GABRP: variants seen among roughly 807,000 people sequenced by gnomAD.
GABRP encodes gamma-aminobutyric acid receptor subunit pi.
A neutral mutation model predicts 47.8 loss-of-function variants in GABRP; 52 were observed. The ratio of observed to expected loss-of-function variants is 1.09; its 90% CI spans 0.87 to 1.37. The LOEUF (loss-of-function observed/expected upper bound fraction) is 1.37. GABRP is among the 40% of genes most tolerant of loss of function. The pLI, the probability that GABRP is intolerant of heterozygous loss-of-function variation, is 0.00. For synonymous variants in GABRP, 221 were observed against 205.8 expected, an observed-to-expected ratio of 1.07 and a Z score of -0.63; for missense variants, 525 against 542.8, an observed-to-expected ratio of 0.97 and a Z score of 0.33.
chr5:170,786,931 G>A (rs1581586155), intron 1 of GABRP, among the ~76,000 whole-genome samples: 1 of 152,126 alleles, frequency 6.6e-6, no homozygotes, highest in African/African-American at 2.4e-5. Flanking sequence ...ACTGTTATCG[G>A]TAGTTATTTC....
Position 170,789,642 on chromosome 5 carries a change from G to T in GABRP, c.172+395G>T, listed in dbSNP as rs1765216145. On this transcript the variant is annotated intron_variant, in intron 3 of 9. Coordinates refer to ENST00000265294, the MANE Select transcript of GABRP (RefSeq NM_014211.3). Reference sequence around the variant, plus strand: ...CCAAACTGCCATCTGGATGCCTCCTGGGTCATTGCCCTGTTGGAACACCTG... The same window carrying T: ...CCAAACTGCCATCTGGATGCCTCCTTGGTCATTGCCCTGTTGGAACACCTG... Among the ~76,000 whole-genome samples the T allele has an allele frequency of 2.0e-5, 3 of 152,222 alleles. No individual in the cohort carries two copies. The South Asian group carries it at 6.2e-4, about 32-fold the overall frequency.
intron 9 of GABRP, among the ~76,000 whole-genome samples, chr5:170,810,650 G>C (rs907980971): frequency 1.3e-5 from 2 of 152,184 alleles, no homozygotes; most frequent in Non-Finnish European, 2.9e-5. Flanking sequence ...ATGCTAAGAA[G>C]CAAGAAAATG....
rs2127266066 is a variant in GABRP, at chr5:170,808,679, C to T, written c.759C>T (p.Ser253=). The T allele has an allele frequency of 6.2e-7, 1 of 1,614,042 alleles. No individual in the cohort carries two copies. Among genetic ancestry groups the T allele is most frequent in the East Asian group, 2.2e-5 (1 of 44,880 alleles). Residue 253 remains serine, a synonymous_variant, in exon 8 of 10, where the codon TCC becomes TCT. Coordinates refer to ENST00000265294, the MANE Select transcript of GABRP (RefSeq NM_014211.3). The stretch of plus-strand genomic sequence containing the variant: ...TCATTTTGGAAACCTACGTTCCTTC[C>T]ACTTTCCTGGTGGTGTTGTCCTGGG... ...LYFILETYVP[S]TFLVVLSWVS... is the part of the protein sequence containing the mutation.
intron 1 of GABRP, among the ~76,000 whole-genome samples, chr5:170,786,443 T>C (rs1004951806): frequency 6.6e-6 from 1 of 152,226 alleles, no homozygotes; most frequent in Admixed American, 6.5e-5. Context: ...AATAACAGCA[T>C]TCACAGTAGA....
intron 3 of GABRP, among the ~76,000 whole-genome samples, chr5:170,791,726 G>A (rs1456912684): frequency 1.3e-5 from 2 of 152,158 alleles, no homozygotes; most frequent in African/African-American, 4.8e-5. Flanking sequence ...CAACTAACAC[G>A]GATCTATGGC....
At chr5:170,797,117 G>A (rs974514504) in intron 5 of GABRP, among the ~76,000 whole-genome samples, 1 of 152,218 alleles carries the variant, frequency 6.6e-6, no homozygotes, top group Admixed American at 6.5e-5. Flanking sequence ...GATAGTGATG[G>A]TGAACACTGT....
At position 170,795,201 on chromosome 5, in the gene GABRP, C is replaced by A. The variant is rs776531075; in HGVS notation, c.241-7C>A. ...ATCCATTTCCATACCCTGCCTCCCC[C>A]TCCCAGGACTACACAGCCACCATAT... is the stretch of plus-strand genomic sequence containing the variant. On this transcript the variant is annotated splice_polypyrimidine_tract_variant and splice_region_variant and intron_variant, in intron 4 of 9. Coordinates refer to ENST00000265294, the MANE Select transcript of GABRP (RefSeq NM_014211.3). 29 of 1,609,244 alleles carry A rather than the reference C, an allele frequency of 1.8e-5. No individual in the cohort carries two copies. The highest frequency in any genetic ancestry group is 1.2e-4 in the Admixed American group (7 of 59,978).
intron 3 of GABRP, among the ~76,000 whole-genome samples, chr5:170,793,859 G>T (rs1765346729): frequency 6.6e-6 from 1 of 152,116 alleles, no homozygotes; most frequent in African/African-American, 2.4e-5. Context: ...TTGAACCTGG[G>T]AGGCGGAGTT....
intron 6 of GABRP, among the ~76,000 whole-genome samples, chr5:170,804,207 T>C (rs868819385): frequency 0.033 from 4,612 of 140,356 alleles, 202 homozygotes; most frequent in African/African-American, 0.11. Context: ...TATATATATA[T>C]ATATTCATGT....
intron 3 of GABRP, among the ~76,000 whole-genome samples, chr5:170,791,975 G>A (rs930596818): frequency 6.6e-6 from 1 of 152,236 alleles, no homozygotes; most frequent in African/African-American, 2.4e-5. Flanking sequence ...GAGGACAGGA[G>A]AGGGCTGAAC....
chr5:170,784,674 A>G (rs1183390296), intron 1 of GABRP, among the ~76,000 whole-genome samples: 1 of 152,232 alleles, frequency 6.6e-6, no homozygotes, highest in Non-Finnish European at 1.5e-5. Context: ...TAGTGGAATC[A>G]CTGAATTCCC....
intron 3 of GABRP, 127 bp from the exon 4 acceptor site, chr5:170,794,104 A>G (rs1290795366): frequency 2.0e-6 from 1 of 498,190 alleles, no homozygotes; most frequent in Non-Finnish European, 3.3e-6. Flanking sequence ...ATATTTATAG[A>G]ATATTTAAAT....
At position 170,813,974 on chromosome 5, in the gene GABRP, A is replaced by G. The variant is rs996557410; in HGVS notation, c.*1716A>G. The G allele has an allele frequency of 1.3e-5, 2 of 152,206 alleles. No homozygotes were observed. The highest frequency in any genetic ancestry group is 4.8e-5 in the African/African-American group (2 of 41,444). 9.4% of individuals were successfully genotyped at this position (152,206 alleles called of 1,614,324 possible). A position where few individuals can be genotyped will look rare whatever the true frequency, so the allele number is the denominator to read the frequency against. ...ATCTGTTCTGAAACCCCACTTAAGC[A>G]TTGTTTTTATATAAAAACAATGATA... On this transcript the variant is annotated 3_prime_UTR_variant, in exon 10 of 10. Transcript: ENST00000265294.
At chr5:170,809,382 C>T (rs554364803) in intron 8 of GABRP, among the ~76,000 whole-genome samples, 186 bp from the exon 9 acceptor site, 30 of 152,258 alleles carry the variant, frequency 2.0e-4, no homozygotes, top group African/African-American at 6.5e-4. Context: ...AAACACATCC[C>T]TCATATCTGT....
intron 6 of GABRP, among the ~76,000 whole-genome samples, chr5:170,799,179 A>G (rs1367120133): frequency 6.6e-6 from 1 of 152,100 alleles, no homozygotes; most frequent in Non-Finnish European, 1.5e-5. Context: ...CCAGTCTATC[A>G]TTGTTGGACA....
chr5:170,810,934 C>A (rs1157086659), intron 9 of GABRP, among the ~76,000 whole-genome samples: 1 of 151,652 alleles, frequency 6.6e-6, no homozygotes, highest in Middle Eastern at 3.2e-3. Context: ...ACCTCCTCAT[C>A]CCCCCGCCCA....
At chr5:170,806,591 C>G (rs944844574) in intron 7 of GABRP, among the ~76,000 whole-genome samples, 4 of 152,104 alleles carry the variant, frequency 2.6e-5, no homozygotes, top group African/African-American at 9.7e-5. Flanking sequence ...TACAGGCATC[C>G]TCCAGCATGC....
intron 7 of GABRP, among the ~76,000 whole-genome samples, chr5:170,807,205 C>G (rs1158255712): frequency 6.6e-6 from 1 of 152,158 alleles, no homozygotes; most frequent in Admixed American, 6.6e-5. Flanking sequence ...GCCTTGGCCT[C>G]CCAAAATGCT....
rs1765397838 is a variant in GABRP, at chr5:170,795,330, C to T, written c.363C>T (p.Tyr121=). 3 of 1,614,026 alleles carry T rather than the reference C, an allele frequency of 1.9e-6. No individual in the cohort carries two copies. Among genetic ancestry groups the T allele is most frequent in the Non-Finnish European group, 1.7e-6 (2 of 1,180,004 alleles). The change falls in exon 5 of 10, where the codon TAC becomes TAT. Residue 121 remains tyrosine, a synonymous_variant. Coordinates refer to ENST00000265294, the MANE Select transcript of GABRP (RefSeq NM_014211.3). ...LVEFLWVPDT[Y]IVESKKSFLH... is the part of the protein sequence containing the mutation. ...AGTTCCTCTGGGTGCCAGATACTTACATTGTGGAGTCCAAGAAGTCCTTCC... is the reference window on the plus strand; with the variant it reads ...AGTTCCTCTGGGTGCCAGATACTTATATTGTGGAGTCCAAGAAGTCCTTCC...
Sources: gnomAD v4.1 joint callset for allele counts (sites outside exome capture counted in the v4.1 genomes callset) on GRCh38, gnomAD v4.1.1 for gene constraint, MANE v1.5 for transcripts, NCBI Gene and HGNC (gene_info 2026-07-23, HGNC 2026-07-21) for gene names.